Variants in INTS9 observed in about 807,000 individuals in gnomAD.
INTS9 encodes the protein protein related to CPSF subunits of 74 kDa.
Under a neutral mutation model 79.7 loss-of-function variants are expected in INTS9, and 55 were observed. The observed-to-expected ratio is 0.69, with a 90% confidence interval of 0.56 to 0.86. The LOEUF is 0.86. Among genes scored for constraint, INTS9 ranks in the 40% least tolerant of loss-of-function variants. The pLI is 0.00. For synonymous variants in INTS9, 319 were observed against 325.2 expected, an observed-to-expected ratio of 0.98 and a Z score of 0.20; for missense variants, 721 against 831.5, an observed-to-expected ratio of 0.87 and a Z score of 1.64.
intron 14 of INTS9, 111 bp downstream of exon 14, chr8:28,775,648 A>C: frequency 8.5e-7 from 1 of 1,181,774 alleles, no homozygotes; most frequent in Non-Finnish European, 1.2e-6. Context: ...TACTGCGCGC[A>C]GCCTGGTTCA....
At chr8:28,848,760 C>T (rs1266860329) in intron 3 of INTS9, among the ~76,000 whole-genome samples, 3 of 152,190 alleles carry the variant, frequency 2.0e-5, no homozygotes, top group Non-Finnish European at 4.4e-5. Flanking sequence ...TCATCCTTCC[C>T]GGCCTGCAGA....
intron 1 of INTS9, 27 bp from the exon 2 acceptor site, chr8:28,859,590 A>G (rs749983606): frequency 4.3e-6 from 7 of 1,611,544 alleles, no homozygotes; most frequent in African/African-American, 1.3e-5. Context: ...CACTTTGATC[A>G]GTAATCAATT....
chr8:28,840,792 TG>T (rs1308120220), intron 4 of INTS9, among the ~76,000 whole-genome samples: 2 of 72,256 alleles, frequency 2.8e-5, no homozygotes, highest in Non-Finnish European at 5.0e-5. Context: ...GGGACTGTTG[TG>T]GGGTGGGGGG....
intron 8 of INTS9, among the ~76,000 whole-genome samples, chr8:28,808,075 G>A (rs1487278835): frequency 6.6e-6 from 1 of 152,142 alleles, no homozygotes; most frequent in African/African-American, 2.4e-5. Flanking sequence ...GCACTCTTTG[G>A]CCTCAATTTT....
chr8:28,771,152 T>A, intron 14 of INTS9, 72 bp from the exon 15 acceptor site: 1 of 1,060,054 alleles, frequency 9.4e-7, no homozygotes, highest in Non-Finnish European at 1.4e-6. Flanking sequence ...AATCTGTATT[T>A]ACATCACTGC....
chr8:28,768,219 A>AT lies in INTS9; in HGVS notation c.1903dup (p.Ile635AsnfsTer6). On this transcript the variant is annotated frameshift_variant, in exon 17 of 17. Coordinates refer to ENST00000521022, the MANE Select transcript of INTS9 (RefSeq NM_018250.4). LOFTEE classifies it high-confidence loss of function. Reference sequence around the variant, plus strand: ...GAGCATCTCGTCATTGTCGCAGATGATATGGGTCGAGTCTTCTTCAATCTG... The same window carrying AT: ...GAGCATCTCGTCATTGTCGCAGATGATTATGGGTCGAGTCTTCTTCAATCTG... The AT allele has an allele frequency of 6.2e-7, 1 of 1,614,158 alleles. No homozygotes were observed. The highest frequency in any genetic ancestry group is 8.5e-7 in the Non-Finnish European group (1 of 1,180,040).
At position 28,837,737 on chromosome 8, in the gene INTS9, T is replaced by A. The variant is rs576871540; in HGVS notation, c.301A>T (p.Ile101Phe). ...GCCATCATACAGTGATAGTTAGAGATGAGAATCACATCTACTGTAGACAGA... is the reference window on the plus strand; with the variant it reads ...GCCATCATACAGTGATAGTTAGAGAAGAGAATCACATCTACTGTAGACAGA... Reference protein sequence around the residue: ...IDLSTVDVILISNYHCMMALP... With the variant: ...IDLSTVDVILFSNYHCMMALP... The change falls in exon 5 of 17, where the codon ATC (isoleucine) becomes TTC (phenylalanine). Residue 101 changes from isoleucine to phenylalanine, a missense_variant. Around this residue, in one of 3 missense-constraint regions of INTS9, gnomAD observed 291 missense variants for 307.0 expected, o/e 0.95. Coordinates refer to ENST00000521022, the MANE Select transcript of INTS9 (RefSeq NM_018250.4). 6.2e-7 allele frequency: 1 copy of A among 1,613,786 alleles called. No individual in the cohort carries two copies. Among genetic ancestry groups the A allele is most frequent in the South Asian group, 1.1e-5 (1 of 91,064 alleles).
chr8:28,847,684 A>C (rs142052225), intron 3 of INTS9, among the ~76,000 whole-genome samples: 2 of 152,196 alleles, frequency 1.3e-5, no homozygotes, highest in Non-Finnish European at 2.9e-5. Context: ...AATTTAATAA[A>C]CCTGTCTTTC....
chr8:28,806,849 C>T (rs1209548813), intron 8 of INTS9, among the ~76,000 whole-genome samples: 3 of 151,984 alleles, frequency 2.0e-5, no homozygotes, highest in Non-Finnish European at 4.4e-5. Flanking sequence ...CACTGAGTAT[C>T]AAAAATGTAA....
intron 13 of INTS9, 47 bp from the exon 14 acceptor site, chr8:28,775,973 G>A: frequency 6.9e-7 from 1 of 1,451,798 alleles, no homozygotes; most frequent in South Asian, 1.4e-5. Context: ...GAAGTACAGT[G>A]GCCCCTGTGG....
intron 1 of INTS9, among the ~76,000 whole-genome samples, chr8:28,885,756 CCA>C (rs1264123345): frequency 4.6e-5 from 7 of 152,148 alleles, no homozygotes; most frequent in African/African-American, 1.7e-4. Context: ...TTTGTGAATT[CCA>C]GTTTCTATCC....
chr8:28,864,628 AT>A (rs1808636244), intron 1 of INTS9, among the ~76,000 whole-genome samples: 1 of 152,198 alleles, frequency 6.6e-6, no homozygotes, highest in African/African-American at 2.4e-5. Flanking sequence ...GCATTATATT[AT>A]TATACTAATT....
Position 28,813,511 on chromosome 8 carries a change from A to G in INTS9, c.590T>C (p.Val197Ala), listed in dbSNP as rs765145783. 3 of 1,612,384 alleles carry G rather than the reference A, an allele frequency of 1.9e-6. No individual in the cohort carries two copies. In the African/African-American group the frequency reaches 4.0e-5, roughly 22 times the overall value. The change falls in exon 7 of 17, where the codon GTG becomes GCG. Residue 197 changes from valine to alanine, a missense_variant. This residue lies in a region of INTS9 where 291 missense variants were observed against 307.0 expected (regional missense o/e 0.95). Coordinates refer to ENST00000521022, the MANE Select transcript of INTS9 (RefSeq NM_018250.4). ...ACTCACAATTTTCTGAGAATATCCC[A>G]CCAGCTGGATTTTACTAAGGGCAGA... ...VNSALSKIQL[V>A]GYSQKIELFG... is the part of the protein sequence containing the mutation.
At chr8:28,826,086 T>G (rs1259234892) in intron 6 of INTS9, among the ~76,000 whole-genome samples, 2 of 152,182 alleles carry the variant, frequency 1.3e-5, no homozygotes, top group Non-Finnish European at 2.9e-5. Flanking sequence ...CTACAGATGA[T>G]TTTTGCTAAT....
intron 12 of INTS9, among the ~76,000 whole-genome samples, chr8:28,779,318 A>T (rs983578345): frequency 6.6e-6 from 1 of 152,164 alleles, no homozygotes; most frequent in Non-Finnish European, 1.5e-5. Context: ...AGTCCTGGTG[A>T]CCGGGGCCTC....
chr8:28,810,815 T>G (rs1805071282), intron 8 of INTS9, among the ~76,000 whole-genome samples: 1 of 152,194 alleles, frequency 6.6e-6, no homozygotes, highest in South Asian at 2.1e-4. Context: ...ATAACAATGT[T>G]TATATGTGCT....
At chr8:28,885,391 A>T (rs771357899) in intron 1 of INTS9, among the ~76,000 whole-genome samples, 1 of 152,234 alleles carries the variant, frequency 6.6e-6, no homozygotes, top group Non-Finnish European at 1.5e-5. Flanking sequence ...AAGGATTAAC[A>T]TTAATCTTAA....
intron 12 of INTS9, 69 bp from the exon 13 acceptor site, chr8:28,778,022 T>C: frequency 1.9e-5 from 29 of 1,487,788 alleles, no homozygotes; most frequent in Non-Finnish European, 2.3e-5. Flanking sequence ...AGACAGCAAC[T>C]GGGGCGCTGA....
chr8:28,804,429 A>C (rs761757347), intron 8 of INTS9, among the ~76,000 whole-genome samples: 1 of 152,104 alleles, frequency 6.6e-6, no homozygotes, highest in Non-Finnish European at 1.5e-5. Context: ...TTTCCTCCGT[A>C]TTACAGTTGG....
Sources: allele counts gnomAD v4.1 joint callset (sites outside exome capture counted in the v4.1 genomes callset), GRCh38; gene constraint gnomAD v4.1.1; regional missense constraint gnomAD v4.1.1; transcripts MANE v1.5; gene names NCBI Gene and HGNC (gene_info 2026-07-23, HGNC 2026-07-21).